Variants in MMS19 observed in about 807,000 individuals in gnomAD.
MMS19 encodes the protein MMS19 cytosolic iron-sulfur assembly component.
A neutral mutation model predicts 129.8 loss-of-function variants in MMS19; 77 were observed. The ratio of observed to expected loss-of-function variants is 0.59; its 90% CI spans 0.49 to 0.72. MMS19 has a LOEUF of 0.72. Among genes scored for constraint, MMS19 ranks in the 30% least tolerant of loss-of-function variants. The pLI is 0.00. For synonymous variants in MMS19, 491 were observed against 502.8 expected, an observed-to-expected ratio of 0.98 and a Z score of 0.31; for missense variants, 1,168 against 1,266.3, an observed-to-expected ratio of 0.92 and a Z score of 1.18.
intron 5 of MMS19, 122 bp from the exon 6 acceptor site, chr10:97,477,538 T>A: frequency 7.6e-7 from 1 of 1,312,772 alleles, no homozygotes; most frequent in Non-Finnish European, 1.1e-6. Context: ...AAGATCAATC[T>A]AAGAGAAACT....
rs760883289 is a variant in MMS19, at chr10:97,465,844, G to A, written c.1717C>T (p.Leu573=). The A allele has an allele frequency of 3.7e-6, 6 of 1,613,734 alleles. No homozygotes were observed. The East Asian group carries it at 1.1e-4, about 30-fold the overall frequency. The stretch of plus-strand genomic sequence containing the variant: ...CAGAGATGCTGCAGCAGCAGAGGCA[G>A]TGTCTCCTTGACGATGCTGGGATGT... ...STHPSIVKET[L]PLLLQHLWQV... Residue 573 remains leucine, a synonymous_variant, in exon 18 of 31, where the codon CTG becomes TTG. Transcript: ENST00000438925.
intron 1 of MMS19, among the ~76,000 whole-genome samples, chr10:97,492,818 C>G (rs1448858189): frequency 6.7e-6 from 1 of 148,568 alleles, no homozygotes; most frequent in Non-Finnish European, 1.5e-5. Flanking sequence ...AAGATCGCGC[C>G]ACTGCACACC....
Position 97,460,079 on chromosome 10 carries a change from C to G in MMS19, c.2623G>C (p.Ala875Pro), listed in dbSNP as rs1198720687. 7 of 1,614,024 alleles carry G rather than the reference C, an allele frequency of 4.3e-6. No individual in the cohort carries two copies. In the East Asian group the frequency reaches 1.3e-4, roughly 31 times the overall value. The change falls in exon 26 of 31, where the codon GCT becomes CCT. Residue 875 changes from alanine (A) to proline (P), a missense_variant. By Grantham distance (27) the Ala-to-Pro change is conservative. Coordinates refer to ENST00000438925, the MANE Select transcript of MMS19 (RefSeq NM_022362.5). ...RQRFFTDNVP[A>P]LVQGFHAAPQ... ...GCAGCATGGAAGCCCTGGACCAAAGCAGGCACATTATCTGTGAAGAACCGC... is the reference window on the plus strand; with the variant it reads ...GCAGCATGGAAGCCCTGGACCAAAGGAGGCACATTATCTGTGAAGAACCGC...
At position 97,459,656 on chromosome 10, in the gene MMS19, T is replaced by TA; in HGVS notation, c.2739+2dup. 6.2e-7 allele frequency: 1 copy of TA among 1,611,152 alleles called. No individual in the cohort carries two copies. The highest frequency in any genetic ancestry group is 8.5e-7 in the Non-Finnish European group (1 of 1,178,534). ...GCTTAGAAGCTCTGCCTGTGGGACT[T>TA]ACCGTGGGCAGCTCTGGCAAGAGTA... On this transcript the variant is annotated splice_region_variant and intron_variant, in intron 27 of 30. Coordinates refer to ENST00000438925, the MANE Select transcript of MMS19 (RefSeq NM_022362.5).
intron 1 of MMS19, among the ~76,000 whole-genome samples, chr10:97,492,544 T>TA (rs769933943): frequency 7.4e-4 from 109 of 147,756 alleles, no homozygotes; most frequent in Non-Finnish European, 8.7e-4. Flanking sequence ...TACAAGACCG[T>TA]AAAAAAAAGT....
Position 97,460,807 on chromosome 10 carries a change from T to C in MMS19, c.2413-56A>G. The C allele has an allele frequency of 1.9e-6, 3 of 1,549,368 alleles. No individual in the cohort carries two copies. In the Middle Eastern group the frequency reaches 5.0e-4, roughly 259 times the overall value. On this transcript the variant is annotated intron_variant, in intron 24 of 30. Transcript: ENST00000438925. ...GAATGACACTCAAACCCGAGAACCCTGAGACATAGATGTTTATGGTTTAGG... is the reference window on the plus strand; with the variant it reads ...GAATGACACTCAAACCCGAGAACCCCGAGACATAGATGTTTATGGTTTAGG...
chr10:97,462,900 C>T, intron 19 of MMS19: 1 of 552,468 alleles, frequency 1.8e-6, no homozygotes, highest in Non-Finnish European at 3.2e-6. Flanking sequence ...GAACTCTGCA[C>T]AGTCTTTAGA....
Position 97,468,333 on chromosome 10 carries a change from T to G in MMS19, c.1137A>C (p.Ala379=). 1.9e-6 allele frequency: 3 copies of G among 1,612,980 alleles called. No homozygotes were observed. Among genetic ancestry groups the G allele is most frequent in the Non-Finnish European group, 2.5e-6 (3 of 1,179,314 alleles). The change falls in exon 13 of 31, where the codon GCA becomes GCC. Residue 379 remains alanine (A), a synonymous_variant. Coordinates refer to ENST00000438925, the MANE Select transcript of MMS19 (RefSeq NM_022362.5). The stretch of plus-strand genomic sequence containing the variant: ...AGTCACAGGCCCGGGCAGATGCACC[T>G]GCAGCTGCCTGCAACAGCTTGGCAC... ...WPSAKLLQAA[A]GASARACDSV...
intron 23 of MMS19, chr10:97,461,212 G>T (rs899394499): frequency 1.3e-5 from 8 of 604,554 alleles, no homozygotes; most frequent in Non-Finnish European, 2.3e-5. Flanking sequence ...AAAAGAGAGG[G>T]TCATCTACTT....
At chr10:97,481,152 A>T in intron 2 of MMS19, 110 bp from the exon 3 acceptor site, 1 of 732,516 alleles carries the variant, frequency 1.4e-6, no homozygotes. Flanking sequence ...AGCAGAGCCA[A>T]GCCCTGTTAA....
intron 12 of MMS19, among the ~76,000 whole-genome samples, chr10:97,468,651 T>G (rs1251405778): frequency 6.6e-6 from 1 of 152,168 alleles, no homozygotes. Context: ...TTTGCTCTCG[T>G]TGCCCAAGCT....
At chr10:97,496,971 T>A (rs963067430) in intron 1 of MMS19, among the ~76,000 whole-genome samples, 4 of 152,238 alleles carry the variant, frequency 2.6e-5, no homozygotes, top group East Asian at 3.8e-4. Context: ...TATACTTGGC[T>A]GGATATTCGA....
chr10:97,478,408 G>A lies in MMS19; in HGVS notation c.263-19C>T, dbSNP rs750411833. ...TGTACCACTGCACAAACCAGATTCAGCCATTAGTTGACATAGGCACGAGAA... is the reference window on the plus strand; with the variant it reads ...TGTACCACTGCACAAACCAGATTCAACCATTAGTTGACATAGGCACGAGAA... On this transcript the variant is annotated intron_variant, in intron 3 of 30. Transcript: ENST00000438925. 2.0e-5 allele frequency: 32 copies of A among 1,582,176 alleles called. No individual in the cohort carries two copies. The South Asian group carries it at 3.7e-4, about 18-fold the overall frequency.
intron 1 of MMS19, among the ~76,000 whole-genome samples, chr10:97,495,131 C>T (rs183506102): frequency 1.3e-5 from 2 of 152,188 alleles, no homozygotes; most frequent in Admixed American, 6.5e-5. Context: ...GGTCTAACTT[C>T]GATTACACAG....
chr10:97,486,862 C>CACATATATATATATATATATATATAT (rs1491353044), intron 1 of MMS19, among the ~76,000 whole-genome samples: 1 of 85,080 alleles, frequency 1.2e-5, no homozygotes, highest in African/African-American at 4.1e-5. Context: ...ATTAAAGTGC[C>CACATATATATATATATATATATATAT]ATATATATAT....
At chr10:97,488,501 AC>A (rs1171889428) in intron 1 of MMS19, among the ~76,000 whole-genome samples, 1 of 152,214 alleles carries the variant, frequency 6.6e-6, no homozygotes, top group Non-Finnish European at 1.5e-5. Context: ...TCCTGAGGAT[AC>A]TAAAATCTGT....
At chr10:97,460,345 G>T in intron 25 of MMS19, 113 bp from the exon 26 acceptor site, 1 of 979,256 alleles carries the variant, frequency 1.0e-6, no homozygotes, top group Non-Finnish European at 1.5e-6. Flanking sequence ...ACTTTGGGAG[G>T]CCAAGGCAGG....
At position 97,477,909 on chromosome 10, in the gene MMS19, GGGCAGGGCCACACACA is replaced by G. The variant is rs1473814209; in HGVS notation, c.353_368del (p.Leu118ProfsTer44). On this transcript the variant is annotated frameshift_variant, in exon 5 of 31. Coordinates refer to ENST00000438925, the MANE Select transcript of MMS19 (RefSeq NM_022362.5). LOFTEE classifies it high-confidence loss of function. Reference sequence around the variant, plus strand: ...TAAGCACAGAAACAGCCAGCCCTGGGGGCAGGGCCACACACAGGCTCTGGGGGAGAGGAGAAGGTAC... The same window carrying G: ...TAAGCACAGAAACAGCCAGCCCTGGGGGCTCTGGGGGAGAGGAGAAGGTAC... 3.7e-6 allele frequency: 6 copies of G among 1,607,276 alleles called. No individual in the cohort carries two copies.
At chr10:97,470,732 T>A (rs1283468800) in intron 9 of MMS19, 43 bp downstream of exon 9, 1 of 1,266,226 alleles carries the variant, frequency 7.9e-7, no homozygotes, top group Non-Finnish European at 1.1e-6. Context: ...TTCAGAGCCA[T>A]CTATGGGCAG....
Sources: gnomAD v4.1 joint callset for allele counts (sites outside exome capture counted in the v4.1 genomes callset) on GRCh38, gnomAD v4.1.1 for gene constraint, MANE v1.5 for transcripts, NCBI Gene and HGNC (gene_info 2026-07-23, HGNC 2026-07-21) for gene names.